SSBP3: variants seen among roughly 807,000 people sequenced by gnomAD.
SSBP3 encodes single stranded DNA binding protein 3.
Under a neutral mutation model 69.6 loss-of-function variants are expected in SSBP3, and 5 were observed. The ratio of observed to expected loss-of-function variants is 0.07; its 90% CI spans 0.04 to 0.15. The LOEUF (loss-of-function observed/expected upper bound fraction) is 0.15. Among genes scored for constraint, SSBP3 ranks in the 10% least tolerant of loss-of-function variants. SSBP3 has a pLI of 1.00. For synonymous variants in SSBP3, 196 were observed against 193.4 expected, an observed-to-expected ratio of 1.01 and a Z score of -0.11; for missense variants, 312 against 534.0, an observed-to-expected ratio of 0.58 and a Z score of 4.10.
In SSBP3 at chr1:54,240,481, G is replaced by C. The variant is rs1374239798; in HGVS notation, c.856+424C>G. 2.4e-5 allele frequency among the ~76,000 whole-genome samples: 3 copies of C among 122,506 alleles called. No individual in the cohort carries two copies. The East Asian group carries it at 9.2e-4, about 37-fold the overall frequency. 80.4% of individuals were successfully genotyped at this position (122,506 alleles called of 152,430 possible). A position where few individuals can be genotyped will look rare whatever the true frequency, so the allele number is the denominator to read the frequency against. On this transcript the variant is annotated intron_variant, in intron 13 of 17. Coordinates refer to ENST00000610401, the Ensembl canonical transcript of SSBP3. ...AAAAAAGAAAAAAAAAAGGGGGGGGGGGCGGGGGGGAGAAGGGATCTCCTA... is the reference window on the plus strand; with the variant it reads ...AAAAAAGAAAAAAAAAAGGGGGGGGCGGCGGGGGGGAGAAGGGATCTCCTA...
At chr1:54,388,495 A>G (rs1261155181) in intron 4 of SSBP3, among the ~76,000 whole-genome samples, 1 of 152,210 alleles carries the variant, frequency 6.6e-6, no homozygotes, top group African/African-American at 2.4e-5. Context: ...CTGCTGTTGT[A>G]TCCCTCACTG....
chr1:54,278,585 G>T (rs1056522009), intron 5 of SSBP3, among the ~76,000 whole-genome samples: 5 of 152,346 alleles, frequency 3.3e-5, no homozygotes, highest in African/African-American at 9.6e-5. Flanking sequence ...CGAGGGGCTG[G>T]GATGGAGGTG....
chr1:54,397,434 T>G (rs1435437238), intron 4 of SSBP3, among the ~76,000 whole-genome samples: 1 of 152,234 alleles, frequency 6.6e-6, no homozygotes, highest in Non-Finnish European at 1.5e-5. Context: ...CCTCAGTGCC[T>G]GCCCACGCCC....
chr1:54,315,041 T>C (rs1443188038), intron 4 of SSBP3, among the ~76,000 whole-genome samples: 1 of 152,170 alleles, frequency 6.6e-6, no homozygotes, highest in Admixed American at 6.5e-5. Flanking sequence ...CGCGTGTGAT[T>C]CTGTCTGCCT....
At chr1:54,251,587 AGACG>A in intron 9 of SSBP3, 25 bp downstream of exon 9, 1 of 1,549,674 alleles carries the variant, frequency 6.5e-7, no homozygotes, top group Non-Finnish European at 8.7e-7. Flanking sequence ...ATGGCCAGGG[AGACG>A]GACGGACAGA....
At chr1:54,288,674 G>A (rs1198887695) in intron 4 of SSBP3, among the ~76,000 whole-genome samples, 1 of 152,018 alleles carries the variant, frequency 6.6e-6, no homozygotes, top group Non-Finnish European at 1.5e-5. Flanking sequence ...GGCACAGAGA[G>A]CTGTACTATC....
chr1:54,272,857 G>C (rs1645219509), intron 5 of SSBP3, among the ~76,000 whole-genome samples: 1 of 152,256 alleles, frequency 6.6e-6, no homozygotes, highest in South Asian at 2.1e-4. Flanking sequence ...CATCCTTCCA[G>C]TATCAGATCC....
intron 9 of SSBP3, among the ~76,000 whole-genome samples, chr1:54,249,457 G>T (rs540923125): frequency 5.3e-5 from 8 of 151,894 alleles, no homozygotes; most frequent in African/African-American, 1.9e-4. Flanking sequence ...CACTTTGGGA[G>T]GCTGAGGTCG....
chr1:54,260,728 C>A (rs559216077), intron 5 of SSBP3, among the ~76,000 whole-genome samples: 57 of 150,408 alleles, frequency 3.8e-4, no homozygotes, highest in African/African-American at 1.3e-3. Flanking sequence ...GGCCCCAGCC[C>A]AGCCCCACAA....
Position 54,332,292 on chromosome 1 carries a change from C to T in SSBP3, c.277-50765G>A, listed in dbSNP as rs573258408. Among the ~76,000 whole-genome samples the T allele has an allele frequency of 7.9e-5, 12 of 152,244 alleles. No individual in the cohort carries two copies. The East Asian group carries it at 1.5e-3, about 20-fold the overall frequency. The stretch of plus-strand genomic sequence containing the variant: ...CTCCCACATGGCAGTCACAGATACA[C>T]GCATCAGCCCTGCAGGAGAGGCAGC... On this transcript the variant is annotated intron_variant, in intron 4 of 17. Transcript: ENST00000610401.
chr1:54,236,761 A>G (rs1644502393), intron 14 of SSBP3: 1 of 152,232 alleles, frequency 6.6e-6, no homozygotes, highest in African/African-American at 2.4e-5. Context: ...TCTCCTGTCT[A>G]TAAAGTCAAA....
intron 5 of SSBP3, among the ~76,000 whole-genome samples, chr1:54,274,914 G>A (rs988575892): frequency 4.7e-5 from 7 of 149,202 alleles, no homozygotes; most frequent in African/African-American, 1.0e-4. Context: ...GCTCCCTCTC[G>A]CCTGGCACAC....
chr1:54,240,087 TGCGC>T (rs56281276), intron 13 of SSBP3, among the ~76,000 whole-genome samples: 4,647 of 42,156 alleles, frequency 0.11, 123 homozygotes, highest in East Asian at 0.4. Flanking sequence ...TGTGTGTGTG[TGCGC>T]GCGCGCGCGT....
At chr1:54,331,155 T>C (rs1289038157) in intron 4 of SSBP3, among the ~76,000 whole-genome samples, 2 of 152,096 alleles carry the variant, frequency 1.3e-5, no homozygotes, top group Non-Finnish European at 2.9e-5. Context: ...GCATGTAACG[T>C]CCTCTATATA....
intron 4 of SSBP3, among the ~76,000 whole-genome samples, chr1:54,332,406 A>AGATCCCACATCAG (rs957885367): frequency 2.0e-5 from 3 of 152,078 alleles, no homozygotes; most frequent in African/African-American, 7.2e-5. Flanking sequence ...TGGGATCTGG[A>AGATCCCACATCAG]GCCAGGAGAC....
chr1:54,400,699 C>A (rs1570061709), intron 4 of SSBP3, among the ~76,000 whole-genome samples: 2 of 152,340 alleles, frequency 1.3e-5, no homozygotes, highest in Non-Finnish European at 2.9e-5. Flanking sequence ...TGAATATTCT[C>A]AAAACCAGTA....
intron 11 of SSBP3, 103 bp from the exon 12 acceptor site, chr1:54,241,612 C>T (rs1570235232): frequency 7.8e-7 from 1 of 1,282,558 alleles, no homozygotes; most frequent in South Asian, 1.2e-5. Context: ...AAAGGCATCG[C>T]CACCCAGTGA....
At position 54,274,023 on chromosome 1, in the gene SSBP3, G is replaced by C. The variant is rs1257680778; in HGVS notation, c.366+7415C>G. Among the ~76,000 whole-genome samples, 4 of 152,336 alleles carry C rather than the reference G, an allele frequency of 2.6e-5. No homozygotes were observed. In the East Asian group the frequency reaches 7.7e-4, roughly 29 times the overall value. On this transcript the variant is annotated intron_variant, in intron 5 of 17. Coordinates refer to ENST00000610401, the Ensembl canonical transcript of SSBP3. ...GGACAGCAGGGCGGAGGAGCTGGAGGGGGTGGTGCTTCTGTCCCCTGGAGG... is the reference window on the plus strand; with the variant it reads ...GGACAGCAGGGCGGAGGAGCTGGAGCGGGTGGTGCTTCTGTCCCCTGGAGG...
chr1:54,243,213 G>A (rs781393869), intron 10 of SSBP3, 22 bp downstream of exon 10: 1 of 1,612,300 alleles, frequency 6.2e-7, no homozygotes, highest in Non-Finnish European at 8.5e-7. Flanking sequence ...CTGAGCCACG[G>A]GCCGGGTCGT....
Sources: allele counts gnomAD v4.1 joint callset (sites outside exome capture counted in the v4.1 genomes callset), GRCh38; gene constraint gnomAD v4.1.1; transcripts MANE v1.5; gene names NCBI Gene and HGNC (gene_info 2026-07-23, HGNC 2026-07-21).